The following CCNL2 variants were observed in gnomAD, a reference collection of about 807,000 sequenced individuals.
The protein encoded by CCNL2 is cyclin-L2.
CCNL2 carries 28 observed loss-of-function variants against 59.1 expected under a neutral mutation model. The ratio of observed to expected loss-of-function variants is 0.47; its 90% confidence interval spans 0.35 to 0.65. CCNL2 has a LOEUF of 0.65. Ranked by LOEUF, CCNL2 falls within the 30% of genes least tolerant of loss-of-function variation. CCNL2 has a pLI of 0.00. For synonymous variants in CCNL2, 342 were observed against 288.6 expected (o/e 1.19, Z -1.88); for missense variants, 714 against 717.4 (o/e 1.00, Z 0.05).
intron 5 of CCNL2, chr1:1,392,811 T>C: frequency 6.2e-7 from 1 of 1,612,410 alleles, no homozygotes; most frequent in East Asian, 2.2e-5. Flanking sequence ...ACCCTTTGAT[T>C]GAAAGAGTAC....
At chr1:1,392,492 T>C in intron 5 of CCNL2, 1 of 1,265,528 alleles carries the variant, frequency 7.9e-7, no homozygotes, top group South Asian at 2.7e-5. Context: ...CCATAGCATT[T>C]TTTTTTAAGA....
At chr1:1,390,110 T>C in intron 8 of CCNL2, 120 bp downstream of exon 8, 1 of 882,460 alleles carries the variant, frequency 1.1e-6, no homozygotes, top group East Asian at 2.5e-5. Flanking sequence ...AGAGACCCTG[T>C]CTCAAAAAAA....
rs1644469375 is a variant in CCNL2, at chr1:1,386,693, T to C, written c.*538A>G. The C allele has an allele frequency of 6.5e-6, 1 of 152,860 alleles. No homozygotes were observed. 9.5% of individuals were successfully genotyped at this position (152,860 alleles called of 1,614,324 possible). ...GCTGACGGGATTCAAGTTCTGAGTT[T>C]TCATACATAGCTTTAACTTGTATTA... On this transcript the variant is annotated 3_prime_UTR_variant, in exon 11 of 11. Transcript: ENST00000400809.
chr1:1,390,649 T>C, intron 6 of CCNL2, 86 bp from the exon 7 acceptor site: 1 of 1,472,692 alleles, frequency 6.8e-7, no homozygotes, highest in Non-Finnish European at 9.5e-7. Context: ...AGCCTGTTGG[T>C]CACGAAAATG....
chr1:1,389,087 T>C (rs1644622473), intron 8 of CCNL2: 1 of 149,082 alleles, frequency 6.7e-6, no homozygotes, highest in Admixed American at 6.9e-5. Context: ...AAAAAAGAAA[T>C]GCAGGCCGGG....
chr1:1,389,075 C>CA, intron 8 of CCNL2: 1 of 151,436 alleles, frequency 6.6e-6, no homozygotes, highest in South Asian at 1.4e-4. Context: ...AACTCTGTCT[C>CA]AAAAAAAGAA....
chr1:1,391,615 C>T, intron 5 of CCNL2: 2 of 1,193,882 alleles, frequency 1.7e-6, no homozygotes, highest in Non-Finnish European at 2.2e-6. Context: ...CAACACAATA[C>T]TGAGAAGCAA....
At chr1:1,391,866 A>T (rs1644780170) in intron 5 of CCNL2, 1 of 282,576 alleles carries the variant, frequency 3.5e-6, no homozygotes, top group Non-Finnish European at 6.9e-6. Flanking sequence ...GGACAGTTGA[A>T]CTGGTTTTAT....
rs1216740447 is a variant in CCNL2, at chr1:1,395,348, G to T, written c.594+46C>A. 3 of 1,607,352 alleles carry T rather than the reference G, an allele frequency of 1.9e-6. No homozygotes were observed. In the South Asian group the frequency reaches 3.3e-5, roughly 18 times the overall value. On this transcript the variant is annotated intron_variant, in intron 4 of 10. Coordinates refer to ENST00000400809, the MANE Select transcript of CCNL2 (RefSeq NM_030937.6). Reference sequence around the variant, plus strand: ...GAGGTGGAGAGAGGCGGCCAGGCAGGAGCAGCGGCCTAGGCGGGCTCGCAG... The same window carrying T: ...GAGGTGGAGAGAGGCGGCCAGGCAGTAGCAGCGGCCTAGGCGGGCTCGCAG...
intron 8 of CCNL2, chr1:1,388,659 T>C: frequency 2.4e-6 from 1 of 423,344 alleles, no homozygotes; most frequent in Non-Finnish European, 4.7e-6. Context: ...CAATCCCAGC[T>C]ACTTGGGAGG....
At chr1:1,398,895 G>A (rs1418763740) in intron 1 of CCNL2, 124 bp downstream of exon 1, 4 of 1,427,088 alleles carry the variant, frequency 2.8e-6, no homozygotes, top group Non-Finnish European at 3.7e-6. Flanking sequence ...CGCCGAGGCT[G>A]GGGTCGGGGC....
chr1:1,393,029 T>C (rs1569950129), intron 5 of CCNL2: 1 of 607,896 alleles, frequency 1.6e-6, no homozygotes, highest in Non-Finnish European at 2.9e-6. Flanking sequence ...TCTGCCCCTC[T>C]CCCATGGGAT....
At position 1,393,769 on chromosome 1, in the gene CCNL2, C is replaced by T. The variant is rs143820891; in HGVS notation, c.595-309G>A. On this transcript the variant is annotated intron_variant, in intron 4 of 10. Transcript: ENST00000400809. ...ACCAGTGAGGTTGGCCTGTCCTACACGTCTCTGTATCCCAGTTAACAACTC... is the reference window on the plus strand; with the variant it reads ...ACCAGTGAGGTTGGCCTGTCCTACATGTCTCTGTATCCCAGTTAACAACTC... 9.0e-3 allele frequency among the ~76,000 whole-genome samples: 1,371 copies of T among 152,340 alleles called. 21 individuals are homozygous for T. Among genetic ancestry groups the T allele is most frequent in the African/African-American group, 0.029 (1,198 of 41,568 alleles).
At chr1:1,394,417 T>A (rs1644906102) in intron 4 of CCNL2, among the ~76,000 whole-genome samples, 1 of 152,106 alleles carries the variant, frequency 6.6e-6, no homozygotes, top group Non-Finnish European at 1.5e-5. Flanking sequence ...AATTTCTCCA[T>A]AAGAGAAAGT....
chr1:1,387,041 C>T lies in CCNL2; in HGVS notation c.*190G>A. The T allele has an allele frequency of 3.5e-6, 2 of 569,704 alleles. No homozygotes were observed. Among genetic ancestry groups the T allele is most frequent in the East Asian group, 2.8e-5 (1 of 35,228 alleles). The allele number at this position is 569,704 out of a possible 1,614,324, so 35.3% of individuals were successfully genotyped here. ...CAGACCGGTCTGAAGCACGTGTCAC[C>T]GGTCCCTCAGTTCCATTTCCAAATC... On this transcript the variant is annotated 3_prime_UTR_variant, in exon 11 of 11. Coordinates refer to ENST00000400809, the MANE Select transcript of CCNL2 (RefSeq NM_030937.6).
chr1:1,391,640 G>T, intron 5 of CCNL2: 1 of 920,304 alleles, frequency 1.1e-6, no homozygotes, highest in Non-Finnish European at 1.6e-6. Flanking sequence ...ATACTGAGAA[G>T]CAACATAATA....
In CCNL2 at chr1:1,387,411, A is replaced by C. The variant is rs756451022; in HGVS notation, c.1383T>G (p.Ser461=). Residue 461 remains serine, a synonymous_variant, in exon 11 of 11, where the codon TCT becomes TCG. Transcript: ENST00000400809. ...GAGAACGGGAAGAACTCCGGCTCCG[A>C]GACTTGTGTGGCTTCTGGGGGTACT... ...DCKYPQKPHK[S]RSRSSSRSRS... is the part of the protein sequence containing the mutation. 1.9e-6 allele frequency: 3 copies of C among 1,613,794 alleles called. No individual in the cohort carries two copies. In the African/African-American group the frequency reaches 4.0e-5, roughly 22 times the overall value.
chr1:1,398,954 C>A (rs1441453337), intron 1 of CCNL2, 65 bp downstream of exon 1: 2 of 1,494,614 alleles, frequency 1.3e-6, no homozygotes, highest in Non-Finnish European at 8.9e-7. Context: ...CCCGACTCGC[C>A]GCCAACAAAG....
chr1:1,391,525 C>T (rs1644761913), intron 5 of CCNL2: 1 of 1,304,716 alleles, frequency 7.7e-7, no homozygotes, highest in Non-Finnish European at 1.0e-6. Context: ...GGGCAGGCCT[C>T]TTCTCGGGCT....
Sources: allele counts gnomAD v4.1 joint callset (sites outside exome capture counted in the v4.1 genomes callset), GRCh38; gene constraint gnomAD v4.1.1; transcripts MANE v1.5; gene names NCBI Gene and HGNC (gene_info 2026-07-23, HGNC 2026-07-21).